TRPS1: variants seen among roughly 807,000 people sequenced by gnomAD.
TRPS1 encodes zinc finger transcription factor Trps1.
In TRPS1, 6 loss-of-function variants were observed where a neutral mutation model predicts 101.2. That is an observed-to-expected ratio of 0.06 (90% CI 0.03 to 0.12). TRPS1 has a LOEUF of 0.12. Ranked by LOEUF, TRPS1 falls within the 10% of genes least tolerant of loss-of-function variation. TRPS1 has a pLI of 1.00. For missense variants in TRPS1, 1,363 were observed against 1,567.0 expected, an observed-to-expected ratio of 0.87 and a Z score of 2.20; for synonymous variants, 578 against 589.8, an observed-to-expected ratio of 0.98 and a Z score of 0.29.
intron 4 of TRPS1, among the ~76,000 whole-genome samples, chr8:115,588,522 T>A (rs1489508739): frequency 2.0e-5 from 3 of 152,188 alleles, no homozygotes; most frequent in Non-Finnish European, 4.4e-5. Flanking sequence ...TACCATCTTC[T>A]GCTGTTAAAG....
At position 115,661,676 on chromosome 8, in the gene TRPS1, GGT is replaced by G. The variant is rs1811798042; in HGVS notation, c.-122+6867_-122+6868del. 2.0e-5 allele frequency: 3 copies of G among 151,950 alleles called. No individual in the cohort carries two copies. The South Asian group carries it at 6.2e-4, about 32-fold the overall frequency. The allele number at this position is 151,950 out of a possible 1,614,324, so 9.4% of individuals were successfully genotyped here. A position where few individuals can be genotyped will look rare whatever the true frequency, so the allele number is the denominator to read the frequency against. ...TCTTGGAGCAGAAGTAGTGCAGAAT[GGT>G]TTGCGGCAAAATCGAAACATATTGT... On this transcript the variant is annotated intron_variant, in intron 1 of 6. Coordinates refer to ENST00000395715, the MANE Select transcript of TRPS1 (RefSeq NM_014112.5).
chr8:115,620,052 G>T lies in TRPS1; in HGVS notation c.46C>A (p.Arg16=). 6.2e-7 allele frequency: 1 copy of T among 1,613,802 alleles called. No homozygotes were observed. The highest frequency in any genetic ancestry group is 8.5e-7 in the Non-Finnish European group (1 of 1,179,980). The change falls in exon 3 of 7, where the codon CGG becomes AGG. Residue 16 remains arginine, a synonymous_variant. Transcript: ENST00000395715. ...TTTCTCAGAGGGGGGTTCTTTTTCC[G>T]GACCATATCTGCAAAGATAAAGGGA... ...NAGYDFTNMV[R]KKNPPLRNVA...
At position 115,414,314 on chromosome 8, in the gene TRPS1, C is replaced by A; in HGVS notation, c.3594G>T (p.Thr1198=). Residue 1198 remains threonine (T), a synonymous_variant, in exon 7 of 7, where the codon ACG becomes ACT. Coordinates refer to ENST00000395715, the MANE Select transcript of TRPS1 (RefSeq NM_014112.5). This position sits in a 1 kb window ranked among gnomAD's most constrained non-coding sequence, Gnocchi z 4.8. ...PTANGASKEK[T]KAPPNVKNEG... is the part of the protein sequence containing the mutation. ...CATTTTTTACATTTGGTGGTGCCTT[C>A]GTTTTCTCCTTGGAGGCACCGTTTG... 1 of 1,613,926 alleles carries A rather than the reference C, an allele frequency of 6.2e-7. No individual in the cohort carries two copies. Among genetic ancestry groups the A allele is most frequent in the Non-Finnish European group, 8.5e-7 (1 of 1,179,938 alleles).
At chr8:115,469,173 C>T (rs1814401891) in intron 5 of TRPS1, among the ~76,000 whole-genome samples, 1 of 152,074 alleles carries the variant, frequency 6.6e-6, no homozygotes, top group African/African-American at 2.4e-5. Flanking sequence ...CATACACACA[C>T]ACATGCTGAA....
At chr8:115,426,389 G>A (rs1247917596) in intron 5 of TRPS1, among the ~76,000 whole-genome samples, 8 of 152,002 alleles carry the variant, frequency 5.3e-5, no homozygotes, top group Non-Finnish European at 1.0e-4. Context: ...GACCTTTCTA[G>A]AAAAGTCCTA....
At chr8:115,595,030 T>C (rs1817756651) in intron 4 of TRPS1, among the ~76,000 whole-genome samples, 1 of 151,930 alleles carries the variant, frequency 6.6e-6, no homozygotes, top group South Asian at 2.1e-4. Context: ...GTTTTTATTC[T>C]TCAATGACTA....
chr8:115,590,046 G>A (rs776359810), intron 4 of TRPS1, among the ~76,000 whole-genome samples: 3 of 152,062 alleles, frequency 2.0e-5, no homozygotes, highest in Non-Finnish European at 4.4e-5. Flanking sequence ...GAACCTGGGA[G>A]GCGGAGGTTG....
chr8:115,595,809 G>A (rs1005840130), intron 4 of TRPS1, among the ~76,000 whole-genome samples: 6 of 151,778 alleles, frequency 4.0e-5, no homozygotes, highest in African/African-American at 7.2e-5. Context: ...CATTAGTTCC[G>A]AAATTTCTAA....
intron 5 of TRPS1, among the ~76,000 whole-genome samples, chr8:115,465,817 A>C (rs1814303432): frequency 1.3e-5 from 2 of 152,282 alleles, no homozygotes; most frequent in South Asian, 4.1e-4. Flanking sequence ...ATCTATTATA[A>C]TCTCAGAAAG....
At chr8:115,465,702 G>T (rs926485952) in intron 5 of TRPS1, among the ~76,000 whole-genome samples, 1 of 152,006 alleles carries the variant, frequency 6.6e-6, no homozygotes, top group Non-Finnish European at 1.5e-5. Flanking sequence ...GCAAAAGTAT[G>T]ATCTTTCATT....
intron 4 of TRPS1, among the ~76,000 whole-genome samples, chr8:115,589,885 G>A (rs749515869): frequency 1.3e-5 from 2 of 152,202 alleles, no homozygotes; most frequent in Non-Finnish European, 2.9e-5. Context: ...GGGAAGCAGA[G>A]GCGGGCAGAT....
intron 5 of TRPS1, among the ~76,000 whole-genome samples, chr8:115,537,325 T>G (rs1387050441): frequency 6.6e-6 from 1 of 152,196 alleles, no homozygotes; most frequent in Admixed American, 6.5e-5. Context: ...AAATGTGTTC[T>G]CAAAATTATA....
At chr8:115,550,008 G>A (rs186366502) in intron 5 of TRPS1, among the ~76,000 whole-genome samples, 1 of 152,182 alleles carries the variant, frequency 6.6e-6, no homozygotes, top group African/African-American at 2.4e-5. Context: ...CTGAGGTCAG[G>A]AGTTTGAGAC....
chr8:115,469,560 G>A (rs570641925), intron 5 of TRPS1, among the ~76,000 whole-genome samples: 37 of 151,916 alleles, frequency 2.4e-4, no homozygotes, highest in African/African-American at 6.8e-4. Context: ...GTGCAGTGGC[G>A]TGATCCCAGC....
At chr8:115,579,841 T>C (rs557946247) in intron 5 of TRPS1, among the ~76,000 whole-genome samples, 35 of 152,196 alleles carry the variant, frequency 2.3e-4, no homozygotes, top group African/African-American at 8.2e-4. Context: ...AAATTACAAG[T>C]GAGAGGGAGG....
chr8:115,495,254 C>T (rs1436029300), intron 5 of TRPS1, among the ~76,000 whole-genome samples: 1 of 152,052 alleles, frequency 6.6e-6, no homozygotes, highest in African/African-American at 2.4e-5. Flanking sequence ...TTTTATAATT[C>T]TGGTTACTAT....
intron 5 of TRPS1, among the ~76,000 whole-genome samples, chr8:115,517,127 G>T (rs535318016): frequency 6.6e-6 from 1 of 151,624 alleles, no homozygotes; most frequent in South Asian, 2.1e-4. Context: ...TTTCTGCTTT[G>T]ATATTCCTAA....
chr8:115,415,809 G>A (rs1812905839), intron 6 of TRPS1, among the ~76,000 whole-genome samples: 1 of 152,132 alleles, frequency 6.6e-6, no homozygotes, highest in Non-Finnish European at 1.5e-5. Context: ...ATAAATGTCG[G>A]CTGTTTAAAG....
chr8:115,524,833 T>C lies in TRPS1; in HGVS notation c.2700+62168A>G, dbSNP rs1233896850. Among the ~76,000 whole-genome samples the C allele has an allele frequency of 3.9e-5, 6 of 152,138 alleles. No homozygotes were observed. In the South Asian group the frequency reaches 8.3e-4, roughly 21 times the overall value. On this transcript the variant is annotated intron_variant, in intron 5 of 6. Coordinates refer to ENST00000395715, the MANE Select transcript of TRPS1 (RefSeq NM_014112.5). ...TCTTCAATAAACATCTTAGTATCGA[T>C]CAACATAATTTTACATAGCCAATAC...
Sources: gnomAD v4.1 joint callset for allele counts (sites outside exome capture counted in the v4.1 genomes callset) on GRCh38, gnomAD v4.1.1 for gene constraint, Gnocchi (gnomAD v3.1) non-coding constraint, MANE v1.5 for transcripts, NCBI Gene and HGNC (gene_info 2026-07-23, HGNC 2026-07-21) for gene names.